PHC3: variants seen among roughly 807,000 people sequenced by gnomAD.
PHC3 encodes polyhomeotic homolog 3.
A neutral mutation model predicts 107.4 loss-of-function variants in PHC3; 13 were observed. The observed-to-expected ratio is 0.12, with a 90% CI of 0.08 to 0.19. The LOEUF (loss-of-function observed/expected upper bound fraction) is 0.19, where lower values mean the gene tolerates loss of function less well. Ranked by LOEUF, PHC3 falls within the 10% of genes least tolerant of loss-of-function variation. The pLI is 1.00. For synonymous variants in PHC3, 456 were observed against 427.4 expected, an observed-to-expected ratio of 1.07 and a Z score of -0.83; for missense variants, 992 against 1,210.9, an observed-to-expected ratio of 0.82 and a Z score of 2.68.
At chr3:170,110,363 C>A (rs1355727956) in intron 11 of PHC3, among the ~76,000 whole-genome samples, 2 of 152,166 alleles carry the variant, frequency 1.3e-5, no homozygotes, top group African/African-American at 4.8e-5. Flanking sequence ...TAATCCAACC[C>A]TCTACTCTTC....
intron 14 of PHC3, among the ~76,000 whole-genome samples, chr3:170,100,727 C>T (rs1168134234): frequency 6.6e-6 from 1 of 151,962 alleles, no homozygotes; most frequent in Non-Finnish European, 1.5e-5. Flanking sequence ...AAGGAATTTG[C>T]CTTTGTTCTG....
intron 4 of PHC3, among the ~76,000 whole-genome samples, chr3:170,162,102 A>G (rs1246884198): frequency 6.6e-6 from 1 of 152,244 alleles, no homozygotes; most frequent in Admixed American, 6.5e-5. Context: ...ATGACTTGCC[A>G]TAAGTCACAT....
intron 4 of PHC3, among the ~76,000 whole-genome samples, chr3:170,161,140 T>G (rs1448090946): frequency 6.6e-6 from 1 of 152,198 alleles, no homozygotes; most frequent in East Asian, 1.9e-4. Flanking sequence ...TACAAACTAT[T>G]TAAGAAACTC....
At chr3:170,131,826 G>A (rs1232257700) in intron 7 of PHC3, among the ~76,000 whole-genome samples, 2 of 152,082 alleles carry the variant, frequency 1.3e-5, no homozygotes, top group Admixed American at 6.5e-5. Context: ...AACAGAGGGA[G>A]ACGCCATCTC....
At position 170,095,482 on chromosome 3, in the gene PHC3, C is replaced by G. The variant is rs78109980; in HGVS notation, c.*1748G>C. On this transcript the variant is annotated 3_prime_UTR_variant, in exon 15 of 15. Transcript: ENST00000495893. ...TTTGTATAAAAATAATCAACATTCTCTAATGTACACAAAGCCAAAAGATAA... is the reference window on the plus strand; with the variant it reads ...TTTGTATAAAAATAATCAACATTCTGTAATGTACACAAAGCCAAAAGATAA... 6.6e-6 allele frequency: 1 copy of G among 152,210 alleles called. No individual in the cohort carries two copies. The highest frequency in any genetic ancestry group is 2.4e-5 in the African/African-American group (1 of 41,530). The allele number at this position is 152,210 out of a possible 1,614,324, so 9.4% of individuals were successfully genotyped here.
chr3:170,163,861 CAAAAAAAAAAAAAA>C (rs200514068), intron 4 of PHC3, among the ~76,000 whole-genome samples: 1 of 85,104 alleles, frequency 1.2e-5, no homozygotes, highest in Non-Finnish European at 2.4e-5. Flanking sequence ...AGACTCTGTC[CAAAAAAAAAAAAAA>C]AAAAAAAAAG....
At position 170,129,195 on chromosome 3, in the gene PHC3, A is replaced by G; in HGVS notation, c.1277T>C (p.Ile426Thr). Residue 426 changes from isoleucine to threonine, a missense_variant, in exon 8 of 15, where the codon ATT (isoleucine) becomes ACT (threonine). Physicochemically the swap from Ile to Thr is moderately conservative, Grantham distance 89 (BLOSUM62 -1). Coordinates refer to ENST00000495893, the MANE Select transcript of PHC3 (RefSeq NM_024947.4). ...HSPSQSPTIIIHPQALIQPHP... is the reference protein window; with the variant it reads ...HSPSQSPTIITHPQALIQPHP... ...TGGCTGAATAAGTGCTTGTGGATGA[A>G]TAATTATAGTAGGAGACTGACTTGG... 3 of 1,613,984 alleles carry G rather than the reference A, an allele frequency of 1.9e-6. No individual in the cohort carries two copies. Among genetic ancestry groups the G allele is most frequent in the Middle Eastern group, 1.6e-4 (1 of 6,062 alleles).
intron 2 of PHC3, 125 bp from the exon 3 acceptor site, chr3:170,172,837 TATTAAC>T (rs370109817): frequency 2.8e-5 from 27 of 975,290 alleles, no homozygotes; most frequent in Non-Finnish European, 3.3e-5. Flanking sequence ...TCATCAAGCT[TATTAAC>T]ATTATTTCTT....
At chr3:170,117,033 T>A in intron 10 of PHC3, 193 bp downstream of exon 10, 1 of 711,144 alleles carries the variant, frequency 1.4e-6, no homozygotes, top group East Asian at 2.8e-5. Context: ...AGTTTATGCA[T>A]CTAAACTTAG....
intron 6 of PHC3, among the ~76,000 whole-genome samples, chr3:170,140,785 A>G (rs778679719): frequency 4.0e-5 from 6 of 150,132 alleles, no homozygotes; most frequent in Admixed American, 6.7e-5. Context: ...TTTAGTAGAG[A>G]CGGGATTTCA....
In PHC3 at chr3:170,091,695, T is replaced by C. The variant is rs1365562857; in HGVS notation, c.*5535A>G. 6.6e-6 allele frequency: 1 copy of C among 152,172 alleles called. No individual in the cohort carries two copies. Among genetic ancestry groups the C allele is most frequent in the Non-Finnish European group, 1.5e-5 (1 of 68,028 alleles). The allele number at this position is 152,172 out of a possible 1,614,324, so 9.4% of individuals were successfully genotyped here. A position where few individuals can be genotyped will look rare whatever the true frequency, so the allele number is the denominator to read the frequency against. On this transcript the variant is annotated 3_prime_UTR_variant, in exon 15 of 15. Transcript: ENST00000495893. ...CTCCCTTAATGTATGTTTTCTAAAT[T>C]GAAAGTTTAGAAAAAGCCATATTCT...
intron 8 of PHC3, among the ~76,000 whole-genome samples, chr3:170,127,643 T>C (rs1721561313): frequency 6.6e-6 from 1 of 152,176 alleles, no homozygotes; most frequent in Non-Finnish European, 1.5e-5. Flanking sequence ...CAAGTATTAA[T>C]AATAAAAAAT....
intron 4 of PHC3, among the ~76,000 whole-genome samples, chr3:170,164,467 C>T (rs1728417991): frequency 6.6e-6 from 1 of 152,092 alleles, no homozygotes; most frequent in Non-Finnish European, 1.5e-5. Flanking sequence ...CAAATGGATA[C>T]ACGCAAATAA....
chr3:170,145,479 C>G lies in PHC3; in HGVS notation c.616G>C (p.Asp206His). 6.2e-7 allele frequency: 1 copy of G among 1,613,170 alleles called. No individual in the cohort carries two copies. Among genetic ancestry groups the G allele is most frequent in the Non-Finnish European group, 8.5e-7 (1 of 1,179,396 alleles). ...PATTVAAVQS[D>H]IPVVSSSSSS... Reference sequence around the variant, plus strand: ...GATGACGACGAGACAACAGGAATGTCAGACTGTACAGCAGCCACAGTGGTA... The same window carrying G: ...GATGACGACGAGACAACAGGAATGTGAGACTGTACAGCAGCCACAGTGGTA... Residue 206 changes from aspartate to histidine, a missense_variant, in exon 6 of 15, where the codon GAC becomes CAC. This residue lies in a region of PHC3 where 35 missense variants were observed against 73.6 expected (regional missense o/e 0.48). Coordinates refer to ENST00000495893, the MANE Select transcript of PHC3 (RefSeq NM_024947.4).
intron 7 of PHC3, among the ~76,000 whole-genome samples, chr3:170,131,392 G>T (rs756786065): frequency 6.6e-6 from 1 of 152,112 alleles, no homozygotes; most frequent in Non-Finnish European, 1.5e-5. Flanking sequence ...AATGCCTGTG[G>T]TATAGGTGGG....
At chr3:170,106,477 A>G (rs972797927) in intron 12 of PHC3, among the ~76,000 whole-genome samples, 2 of 152,190 alleles carry the variant, frequency 1.3e-5, no homozygotes, top group East Asian at 1.9e-4. Context: ...TGATACTTTA[A>G]GGACTAGTAT....
rs1227684010 is a variant in PHC3 at position 170,088,737 on chromosome 3, C to T, written c.*8493G>A. On this transcript the variant is annotated 3_prime_UTR_variant, in exon 15 of 15. Coordinates refer to ENST00000495893, the MANE Select transcript of PHC3 (RefSeq NM_024947.4). ...AACACTTGAAAAGTATTTTTTAAAC[C>T]AGTACCATGGAATAACTTTTTGAAA... The T allele has an allele frequency of 6.6e-6, 1 of 152,090 alleles. No individual in the cohort carries two copies. Among genetic ancestry groups the T allele is most frequent in the African/African-American group, 2.4e-5 (1 of 41,414 alleles). 9.4% of individuals were successfully genotyped at this position (152,090 alleles called of 1,614,324 possible).
In PHC3 at chr3:170,137,759, C is replaced by T. The variant is rs769236716; in HGVS notation, c.673-1094G>A. Among the ~76,000 whole-genome samples the T allele has an allele frequency of 2.6e-5, 4 of 152,266 alleles. No homozygotes were observed. The East Asian group carries it at 5.8e-4, about 22-fold the overall frequency. On this transcript the variant is annotated intron_variant, in intron 6 of 14. Coordinates refer to ENST00000495893, the MANE Select transcript of PHC3 (RefSeq NM_024947.4). ...ACTAAAGATACAAAAATTAGCCAGG[C>T]GTGGTGGCACGCACCTGTAGCCCCA...
intron 7 of PHC3, 49 bp downstream of exon 7, chr3:170,136,370 G>A (rs1454135940): frequency 6.2e-7 from 1 of 1,607,642 alleles, no homozygotes; most frequent in Non-Finnish European, 8.5e-7. Flanking sequence ...TGCTCTGTCT[G>A]CTAAGAAAAT....
Sources: gnomAD v4.1 joint callset for allele counts (sites outside exome capture counted in the v4.1 genomes callset) on GRCh38, gnomAD v4.1.1 for gene constraint, gnomAD v4.1.1 regional missense constraint, MANE v1.5 for transcripts, NCBI Gene and HGNC (gene_info 2026-07-23, HGNC 2026-07-21) for gene names.